TWIST2: variants seen among roughly 807,000 people sequenced by gnomAD.
TWIST2 encodes the protein twist family bHLH transcription factor 2.
A neutral mutation model predicts 11.6 loss-of-function variants in TWIST2; 1 was observed. The observed-to-expected ratio is 0.09, with a 90% CI of 0.03 to 0.41. The LOEUF (loss-of-function observed/expected upper bound fraction) is 0.41. TWIST2 is among the 10% of genes least tolerant of loss of function. TWIST2 has a pLI of 0.98. For missense variants in TWIST2, 168 were observed against 226.4 expected, an observed-to-expected ratio of 0.74 and a Z score of 1.66; for synonymous variants, 87 against 96.6, an observed-to-expected ratio of 0.90 and a Z score of 0.58.
At chr2:238,902,409 GGTGT>G (rs1168726248) in intron 1 of TWIST2, among the ~76,000 whole-genome samples, 4 of 150,866 alleles carry the variant, frequency 2.7e-5, no homozygotes, top group Admixed American at 6.6e-5. Flanking sequence ...TGTTAATCAG[GGTGT>G]GTGTGTGATG....
chr2:238,877,403 A>G (rs927613557), intron 1 of TWIST2, among the ~76,000 whole-genome samples: 1 of 152,192 alleles, frequency 6.6e-6, no homozygotes, highest in Non-Finnish European at 1.5e-5. Flanking sequence ...GTCTACTAAG[A>G]ACCTTGCTGT....
At chr2:238,890,344 A>T (rs1249246192) in intron 1 of TWIST2, among the ~76,000 whole-genome samples, 1 of 152,166 alleles carries the variant, frequency 6.6e-6, no homozygotes, top group Non-Finnish European at 1.5e-5. Flanking sequence ...CGGGGCAGGC[A>T]CCCTCCAGAG....
intron 1 of TWIST2, among the ~76,000 whole-genome samples, chr2:238,874,512 C>T (rs981345849): frequency 2.6e-5 from 4 of 152,138 alleles, no homozygotes; most frequent in African/African-American, 4.8e-5. Flanking sequence ...AGCGAGCTTT[C>T]GAAATGATGT....
chr2:238,903,256 AGTG>A (rs1693300541), intron 1 of TWIST2, among the ~76,000 whole-genome samples: 1 of 100,468 alleles, frequency 1.0e-5, no homozygotes, highest in African/African-American at 4.0e-5. Flanking sequence ...TGTGAGATGT[AGTG>A]TGTGTGCGAT....
At chr2:238,907,874 A>T (rs1194261798) in intron 1 of TWIST2, among the ~76,000 whole-genome samples, 1 of 125,192 alleles carries the variant, frequency 8.0e-6, no homozygotes, top group Non-Finnish European at 1.6e-5. Context: ...CCACATACAC[A>T]CACACCACAC....
chr2:238,867,685 C>T lies in TWIST2; in HGVS notation c.*35+18952C>T, dbSNP rs983922269. Among the ~76,000 whole-genome samples the T allele has an allele frequency of 2.6e-5, 4 of 152,184 alleles. No individual in the cohort carries two copies. The highest frequency in any genetic ancestry group is 5.9e-5 in the Non-Finnish European group (4 of 68,022). ...GCTGGGGCACAGGCTGGATGCAAGG[C>T]AGATGCCACATGGAACCCTTAGGTA... On this transcript the variant is annotated intron_variant, in intron 1 of 1. Transcript: ENST00000612363. The surrounding 1 kb of genome is among the most constrained non-coding windows in gnomAD (Gnocchi z 4.8).
At chr2:238,876,597 ACTCT>A (rs1035634765) in intron 1 of TWIST2, among the ~76,000 whole-genome samples, 1 of 152,182 alleles carries the variant, frequency 6.6e-6, no homozygotes, top group Non-Finnish European at 1.5e-5. Flanking sequence ...GATAGGAGAA[ACTCT>A]CTCTCAGTAG....
At chr2:238,905,511 C>T (rs1386273021) in intron 1 of TWIST2, among the ~76,000 whole-genome samples, 5 of 152,136 alleles carry the variant, frequency 3.3e-5, no homozygotes, top group African/African-American at 1.2e-4. Context: ...ATGAACCTGC[C>T]GCCCGTTTCT....
chr2:238,865,726 C>T (rs1487947471), intron 1 of TWIST2, among the ~76,000 whole-genome samples: 3 of 151,800 alleles, frequency 2.0e-5, no homozygotes, highest in Non-Finnish European at 2.9e-5. Context: ...AGACAGGCAT[C>T]CCCTAACCCA....
intron 1 of TWIST2, among the ~76,000 whole-genome samples, chr2:238,874,220 G>A (rs953518854): frequency 6.6e-6 from 1 of 152,178 alleles, no homozygotes; most frequent in Admixed American, 6.5e-5. Flanking sequence ...CACTGTTCAA[G>A]GGAAACACAA....
intron 1 of TWIST2, among the ~76,000 whole-genome samples, chr2:238,862,610 C>G (rs1016540509): frequency 4.1e-4 from 63 of 152,152 alleles, no homozygotes; most frequent in African/African-American, 1.4e-3. Context: ...GGAAGAAAAG[C>G]TGCACAAGCT....
intron 1 of TWIST2, among the ~76,000 whole-genome samples, chr2:238,853,798 A>G (rs1692285789): frequency 6.6e-6 from 1 of 152,212 alleles, no homozygotes. Context: ...TGCTTAGTTA[A>G]AAATAGAGTC....
chr2:238,851,838 C>T (rs771313910), intron 1 of TWIST2, among the ~76,000 whole-genome samples: 4 of 152,180 alleles, frequency 2.6e-5, no homozygotes, highest in Non-Finnish European at 5.9e-5. Flanking sequence ...ACAAAATACC[C>T]ATCAATAAGA....
intron 1 of TWIST2, among the ~76,000 whole-genome samples, chr2:238,850,997 T>G (rs1462907441): frequency 6.6e-6 from 1 of 152,258 alleles, no homozygotes; most frequent in African/African-American, 2.4e-5. Flanking sequence ...CCCTATAAGA[T>G]CAATACGATT....
At chr2:238,884,666 A>G (rs1692999241) in intron 1 of TWIST2, among the ~76,000 whole-genome samples, 1 of 152,206 alleles carries the variant, frequency 6.6e-6, no homozygotes, top group Non-Finnish European at 1.5e-5. Context: ...ACATAGCTCT[A>G]TCATGGAGAA....
intron 1 of TWIST2, among the ~76,000 whole-genome samples, chr2:238,884,109 C>G (rs1351830664): frequency 2.0e-5 from 3 of 152,218 alleles, no homozygotes; most frequent in African/African-American, 7.2e-5. Context: ...ACAGAAGGCA[C>G]CCCGAGTGCC....
Position 238,848,422 on chromosome 2 carries a change from C to G in TWIST2, c.207C>G (p.Ile69Met). The G allele has an allele frequency of 1.3e-6, 2 of 1,541,506 alleles. No homozygotes were observed. Among genetic ancestry groups the G allele is most frequent in the Non-Finnish European group, 1.7e-6 (2 of 1,148,258 alleles). Residue 69 changes from isoleucine to methionine, a missense_variant, in exon 1 of 2, where the codon ATC (isoleucine) becomes ATG (methionine). Physicochemically the swap from Ile to Met is conservative, Grantham distance 10. Around this residue, in one of 3 missense-constraint regions of TWIST2, gnomAD observed 23 missense variants for 58.5 expected, o/e 0.39. Coordinates refer to ENST00000612363, the MANE Select transcript of TWIST2 (RefSeq NM_001271893.4). ...QSFEELQSQR[I>M]LANVRERQRT... ...TCGAGGAGCTGCAGAGCCAGCGCATCCTGGCCAACGTGCGCGAGCGCCAGC... is the reference window on the plus strand; with the variant it reads ...TCGAGGAGCTGCAGAGCCAGCGCATGCTGGCCAACGTGCGCGAGCGCCAGC...
intron 1 of TWIST2, among the ~76,000 whole-genome samples, chr2:238,862,498 A>G (rs1359006821): frequency 6.6e-6 from 1 of 152,232 alleles, no homozygotes; most frequent in Non-Finnish European, 1.5e-5. Context: ...AATTAGAAAT[A>G]AAACAGAAGG....
Position 238,848,312 on chromosome 2 carries a change from C to T in TWIST2, c.97C>T (p.Arg33Trp). ...GCAGCCCAAGCGCTTCGGCCGGAAG[C>T]GGCGCTACAGCAAGAAGTCGAGCGA... ...ERQPKRFGRK[R>W]RYSKKSSEDG... is the part of the protein sequence containing the mutation. The change falls in exon 1 of 2, where the codon CGG becomes TGG. Residue 33 changes from arginine (R) to tryptophan (W), a missense_variant. Arg to Trp is a moderately radical substitution (Grantham distance 101, BLOSUM62 -3). Around this residue, in one of 3 missense-constraint regions of TWIST2, gnomAD observed 83 missense variants for 92.7 expected, o/e 0.90. Coordinates refer to ENST00000612363, the MANE Select transcript of TWIST2 (RefSeq NM_001271893.4). 1 of 1,533,948 alleles carries T rather than the reference C, an allele frequency of 6.5e-7. No homozygotes were observed. The highest frequency in any genetic ancestry group is 8.7e-7 in the Non-Finnish European group (1 of 1,145,638).
Sources: allele counts gnomAD v4.1 joint callset (sites outside exome capture counted in the v4.1 genomes callset), GRCh38; gene constraint gnomAD v4.1.1; regional missense constraint gnomAD v4.1.1; non-coding constraint Gnocchi (gnomAD v3.1); transcripts MANE v1.5; gene names NCBI Gene and HGNC (gene_info 2026-07-23, HGNC 2026-07-21).